Variants in LPAR3 observed in about 807,000 individuals in gnomAD.
LPAR3 encodes the protein LPA receptor 3.
Under a neutral mutation model 17.8 loss-of-function variants are expected in LPAR3, and 7 were observed. That is an observed-to-expected ratio of 0.39 (90% CI 0.22 to 0.74). The LOEUF (loss-of-function observed/expected upper bound fraction) is 0.74, where lower values mean the gene tolerates loss of function less well. Among genes scored for constraint, LPAR3 ranks in the 30% least tolerant of loss-of-function variants. LPAR3 has a pLI of 0.40. For synonymous variants in LPAR3, 179 were observed against 179.9 expected, an observed-to-expected ratio of 0.99 and a Z score of 0.04; for missense variants, 391 against 453.4, an observed-to-expected ratio of 0.86 and a Z score of 1.25.
At chr1:84,876,893 T>C (rs1660270679) in intron 1 of LPAR3, among the ~76,000 whole-genome samples, 1 of 152,240 alleles carries the variant, frequency 6.6e-6, no homozygotes. Context: ...ATTCTTTTGA[T>C]GTCCTCAATG....
At chr1:84,876,489 A>G (rs748152173) in intron 1 of LPAR3, among the ~76,000 whole-genome samples, 1 of 151,990 alleles carries the variant, frequency 6.6e-6, no homozygotes, top group Non-Finnish European at 1.5e-5. Flanking sequence ...TGGGTTAACC[A>G]CTATCAGGCA....
intron 1 of LPAR3, among the ~76,000 whole-genome samples, chr1:84,874,157 G>A (rs764877094): frequency 2.6e-5 from 4 of 152,196 alleles, no homozygotes; most frequent in Non-Finnish European, 5.9e-5. Flanking sequence ...GAGGTTCCAA[G>A]AGGAGAAGCC....
intron 1 of LPAR3, 65 bp from the exon 2 acceptor site, chr1:84,866,203 C>T: frequency 7.7e-7 from 1 of 1,291,298 alleles, no homozygotes; most frequent in Non-Finnish European, 1.1e-6. Context: ...CCATCAATTG[C>T]TGTTTCTAAG....
intron 1 of LPAR3, among the ~76,000 whole-genome samples, chr1:84,871,699 T>C (rs1427215711): frequency 6.6e-6 from 1 of 152,200 alleles, no homozygotes; most frequent in Non-Finnish European, 1.5e-5. Context: ...TTCATGTTAA[T>C]GGCAAAATCA....
At chr1:84,866,262 G>A in intron 1 of LPAR3, 124 bp from the exon 2 acceptor site, 1 of 694,038 alleles carries the variant, frequency 1.4e-6, no homozygotes. Context: ...TGAAGTGTCA[G>A]GTCTCAGTGC....
intron 2 of LPAR3, among the ~76,000 whole-genome samples, chr1:84,851,129 G>A (rs370548968): frequency 2.0e-4 from 30 of 152,378 alleles, no homozygotes; most frequent in Middle Eastern, 3.4e-3. Context: ...GGATTAAACA[G>A]AGTATGTATA....
intron 2 of LPAR3, among the ~76,000 whole-genome samples, chr1:84,862,501 C>A (rs187385202): frequency 5.9e-5 from 9 of 152,286 alleles, no homozygotes; most frequent in Non-Finnish European, 1.3e-4. Flanking sequence ...AATAGTAGCA[C>A]CTATCTCACA....
chr1:84,814,876 A>T (rs567165510), intron 2 of LPAR3, among the ~76,000 whole-genome samples: 1 of 152,262 alleles, frequency 6.6e-6, no homozygotes, highest in South Asian at 2.1e-4. Flanking sequence ...TACTTTTCAG[A>T]CTCTGCAATT....
chr1:84,837,595 G>A (rs936175042), intron 2 of LPAR3, among the ~76,000 whole-genome samples: 2 of 152,148 alleles, frequency 1.3e-5, no homozygotes, highest in Admixed American at 6.5e-5. Context: ...GTGCATTAGC[G>A]AAGTCTTTAT....
chr1:84,824,002 T>G (rs1485978835), intron 2 of LPAR3, among the ~76,000 whole-genome samples: 3 of 152,152 alleles, frequency 2.0e-5, no homozygotes, highest in Non-Finnish European at 4.4e-5. Flanking sequence ...TGCTAACATA[T>G]TAGGCTGTGG....
At chr1:84,838,660 C>T (rs749844890) in intron 2 of LPAR3, among the ~76,000 whole-genome samples, 7 of 152,122 alleles carry the variant, frequency 4.6e-5, no homozygotes, top group Non-Finnish European at 1.0e-4. Flanking sequence ...CCAGTCTCAA[C>T]CTCTCTAATT....
intron 1 of LPAR3, among the ~76,000 whole-genome samples, chr1:84,872,569 G>A (rs911502747): frequency 6.6e-5 from 10 of 152,122 alleles, no homozygotes; most frequent in African/African-American, 1.9e-4. Context: ...ATTATAACCC[G>A]AAGTATAAAC....
chr1:84,823,616 A>G (rs183379025), intron 2 of LPAR3, among the ~76,000 whole-genome samples: 4 of 152,328 alleles, frequency 2.6e-5, no homozygotes, highest in East Asian at 1.9e-4. Context: ...GCAATAAAAG[A>G]TAAAATTTAA....
At chr1:84,868,148 C>T (rs1273653230) in intron 1 of LPAR3, among the ~76,000 whole-genome samples, 8 of 152,008 alleles carry the variant, frequency 5.3e-5, no homozygotes, top group South Asian at 2.1e-4. Context: ...CTTGCTCTGT[C>T]GCCCAGGCTG....
At chr1:84,844,318 T>A (rs1404624186) in intron 2 of LPAR3, among the ~76,000 whole-genome samples, 1 of 152,242 alleles carries the variant, frequency 6.6e-6, no homozygotes, top group Admixed American at 6.5e-5. Flanking sequence ...TTCAAATGTC[T>A]TGTGCTGCAG....
At chr1:84,877,327 C>A (rs1161496357) in intron 1 of LPAR3, among the ~76,000 whole-genome samples, 1 of 152,142 alleles carries the variant, frequency 6.6e-6, no homozygotes, top group Non-Finnish European at 1.5e-5. Context: ...GACTGGCCAG[C>A]CATGGGGGAT....
At chr1:84,850,303 C>T (rs55896911) in intron 2 of LPAR3, among the ~76,000 whole-genome samples, 1,786 of 150,562 alleles carry the variant, frequency 0.012, 16 homozygotes, top group South Asian at 0.034. Context: ...CACGCCTGTA[C>T]CCCAGCACTT....
chr1:84,859,450 T>C (rs1659893891), intron 2 of LPAR3, among the ~76,000 whole-genome samples: 1 of 152,182 alleles, frequency 6.6e-6, no homozygotes, highest in Non-Finnish European at 1.5e-5. Context: ...GTTTCATATT[T>C]TAAAAGAGTT....
chr1:84,855,238 C>A (rs1417163648), intron 2 of LPAR3, among the ~76,000 whole-genome samples: 1 of 152,170 alleles, frequency 6.6e-6, no homozygotes, highest in Non-Finnish European at 1.5e-5. Context: ...TTTCGAAGTA[C>A]AATGTTAACA....
Sources: allele counts gnomAD v4.1 joint callset (sites outside exome capture counted in the v4.1 genomes callset), GRCh38; gene constraint gnomAD v4.1.1; transcripts MANE v1.5; gene names NCBI Gene and HGNC (gene_info 2026-07-23, HGNC 2026-07-21).